Variants in SMAD4 observed in about 807,000 individuals in gnomAD.
The protein encoded by SMAD4 is SMAD family member 4.
SMAD4 carries 7 observed loss-of-function variants against 63.2 expected under a neutral mutation model. That is an observed-to-expected ratio of 0.11 (90% CI 0.06 to 0.21). The LOEUF is 0.21. Ranked by LOEUF, SMAD4 falls within the 10% of genes least tolerant of loss-of-function variation. The pLI, the probability that SMAD4 is intolerant of heterozygous loss-of-function variation, is 1.00. For synonymous variants in SMAD4, 215 were observed against 235.4 expected (o/e 0.91, Z 0.79); for missense variants, 312 against 693.8 (o/e 0.45, Z 6.18).
At chr18:51,074,495 C>A (rs77525306) in intron 10 of SMAD4, among the ~76,000 whole-genome samples, 7 of 152,098 alleles carry the variant, frequency 4.6e-5, no homozygotes, top group South Asian at 2.1e-4. Context: ...TGAACCCTTA[C>A]GTAAACTGGG....
At position 51,078,807 on chromosome 18, in the gene SMAD4, G is replaced by A; in HGVS notation, c.*340G>A. The A allele has an allele frequency of 3.2e-6, 1 of 308,268 alleles. No homozygotes were observed. Among genetic ancestry groups the A allele is most frequent in the Non-Finnish European group, 6.1e-6 (1 of 163,662 alleles). 19.1% of individuals were successfully genotyped at this position (308,268 alleles called of 1,614,324 possible). A position where few individuals can be genotyped will look rare whatever the true frequency, so the allele number is the denominator to read the frequency against. On this transcript the variant is annotated 3_prime_UTR_variant, in exon 12 of 12. Coordinates refer to ENST00000342988, the MANE Select transcript of SMAD4 (RefSeq NM_005359.6). The stretch of plus-strand genomic sequence containing the variant: ...CCTTTTATCTGCAGAACATCGATAT[G>A]TATATCATTCTACAGAATAATCCAG...
chr18:51,049,116 A>T (rs987851417), intron 3 of SMAD4, among the ~76,000 whole-genome samples, 179 bp from the exon 4 acceptor site: 2 of 152,250 alleles, frequency 1.3e-5, no homozygotes, highest in African/African-American at 4.8e-5. Flanking sequence ...GATGGAAAGC[A>T]TTATAAATTT....
At chr18:51,059,983 A>C in intron 8 of SMAD4, 67 bp downstream of exon 8, 1 of 1,187,206 alleles carries the variant, frequency 8.4e-7, no homozygotes. Flanking sequence ...ACGCACAAAC[A>C]CAGGCTTTAA....
intron 2 of SMAD4, 45 bp downstream of exon 2, chr18:51,047,340 T>A (rs745318664): frequency 8.8e-6 from 14 of 1,586,722 alleles, no homozygotes; most frequent in Non-Finnish European, 1.2e-5. Flanking sequence ...GGTGGCAGAT[T>A]TAAAAACTTG....
chr18:51,035,559 T>G (rs964264269), intron 1 of SMAD4, among the ~76,000 whole-genome samples: 2 of 152,196 alleles, frequency 1.3e-5, no homozygotes, highest in African/African-American at 4.8e-5. Flanking sequence ...GCAAATTGTC[T>G]TCTTAGGGCG....
intron 10 of SMAD4, among the ~76,000 whole-genome samples, chr18:51,072,424 G>A (rs12326897): frequency 6.6e-6 from 1 of 152,122 alleles, no homozygotes; most frequent in Non-Finnish European, 1.5e-5. Flanking sequence ...TGGTGGACTA[G>A]GTCAGAGGGT....
rs945724210 is a variant in SMAD4, at chr18:51,081,611, T to G, written c.*3144T>G. 2 of 232,702 alleles carry G rather than the reference T, an allele frequency of 8.6e-6. No individual in the cohort carries two copies. The highest frequency in any genetic ancestry group is 1.7e-5 in the Non-Finnish European group (2 of 117,792). The allele number at this position is 232,702 out of a possible 1,614,324, so 14.4% of individuals were successfully genotyped here. ...TAAGGAGAGCCATACTTGAGACATG[T>G]GAGTAAACTGAACTCATATTAGCTG... is the stretch of plus-strand genomic sequence containing the variant. On this transcript the variant is annotated 3_prime_UTR_variant, in exon 12 of 12. Coordinates refer to ENST00000342988, the MANE Select transcript of SMAD4 (RefSeq NM_005359.6).
At position 51,081,044 on chromosome 18, in the gene SMAD4, A is replaced by C. The variant is rs1267951835; in HGVS notation, c.*2577A>C. 4.7e-6 allele frequency: 1 copy of C among 211,886 alleles called. No homozygotes were observed. Among genetic ancestry groups the C allele is most frequent in the East Asian group, 7.1e-5 (1 of 14,090 alleles). 13.1% of individuals were successfully genotyped at this position (211,886 alleles called of 1,614,324 possible). A position where few individuals can be genotyped will look rare whatever the true frequency, so the allele number is the denominator to read the frequency against. On this transcript the variant is annotated 3_prime_UTR_variant, in exon 12 of 12. Transcript: ENST00000342988. ...CTAGATTTAGTCACACGCTTTTGAGAAAACATCTAGTATGTTATGATCAGC... is the reference window on the plus strand; with the variant it reads ...CTAGATTTAGTCACACGCTTTTGAGCAAACATCTAGTATGTTATGATCAGC...
chr18:51,031,649 C>T (rs549099166), intron 1 of SMAD4, among the ~76,000 whole-genome samples: 1 of 152,044 alleles, frequency 6.6e-6, no homozygotes, highest in African/African-American at 2.4e-5. Flanking sequence ...CCAGAATTAG[C>T]ATCCTTCTAG....
At position 51,084,204 on chromosome 18, in the gene SMAD4, T is replaced by C. The variant is rs1277763473; in HGVS notation, c.*5737T>C. Reference sequence around the variant, plus strand: ...TGTGACACCACCCTCCTAAGTGGTGTGTGCTTGTAATTTTTTTTTTCAGTG... The same window carrying C: ...TGTGACACCACCCTCCTAAGTGGTGCGTGCTTGTAATTTTTTTTTTCAGTG... On this transcript the variant is annotated 3_prime_UTR_variant, in exon 12 of 12. Coordinates refer to ENST00000342988, the MANE Select transcript of SMAD4 (RefSeq NM_005359.6). 4.3e-6 allele frequency: 1 copy of C among 230,364 alleles called. No individual in the cohort carries two copies. Among genetic ancestry groups the C allele is most frequent in the African/African-American group, 2.2e-5 (1 of 45,122 alleles). The allele number at this position is 230,364 out of a possible 1,614,324, so 14.3% of individuals were successfully genotyped here. A position where few individuals can be genotyped will look rare whatever the true frequency, so the allele number is the denominator to read the frequency against.
At chr18:51,071,582 C>T (rs1348642778) in intron 10 of SMAD4, among the ~76,000 whole-genome samples, 1 of 152,152 alleles carries the variant, frequency 6.6e-6, no homozygotes, top group African/African-American at 2.4e-5. Context: ...TTATTTAGCA[C>T]TGGGCGTTTC....
In SMAD4 at chr18:51,066,949, T is replaced by A. The variant is rs556014674; in HGVS notation, c.1140-70T>A. ...TAATTTTTCAATATTAAGCATGCTATACAATCTGAACTAAAATTTAATTTA... is the reference window on the plus strand; with the variant it reads ...TAATTTTTCAATATTAAGCATGCTAAACAATCTGAACTAAAATTTAATTTA... On this transcript the variant is annotated intron_variant, in intron 9 of 11. Transcript: ENST00000342988. 7.6e-5 allele frequency: 92 copies of A among 1,215,768 alleles called. No homozygotes were observed. The African/African-American group carries it at 1.2e-3, about 16-fold the overall frequency. The allele number at this position is 1,215,768 out of a possible 1,614,324, so 75.3% of individuals were successfully genotyped here. A position where few individuals can be genotyped will look rare whatever the true frequency, so the allele number is the denominator to read the frequency against.
At position 51,078,988 on chromosome 18, in the gene SMAD4, G is replaced by A. The variant is rs999964540; in HGVS notation, c.*521G>A. 4.3e-6 allele frequency: 1 copy of A among 234,340 alleles called. No individual in the cohort carries two copies. The highest frequency in any genetic ancestry group is 2.2e-5 in the African/African-American group (1 of 45,350). The allele number at this position is 234,340 out of a possible 1,614,324, so 14.5% of individuals were successfully genotyped here. A position where few individuals can be genotyped will look rare whatever the true frequency, so the allele number is the denominator to read the frequency against. ...ACTTTACTCTGTGTTTAAAAAGTAA[G>A]TTAATAATGTATTGTAATCTTTCAT... On this transcript the variant is annotated 3_prime_UTR_variant, in exon 12 of 12. Transcript: ENST00000342988.
chr18:51,062,325 C>G (rs1319052693), intron 8 of SMAD4, among the ~76,000 whole-genome samples: 1 of 151,970 alleles, frequency 6.6e-6, no homozygotes, highest in Non-Finnish European at 1.5e-5. Flanking sequence ...TCACTAAAAC[C>G]AATACTCATG....
chr18:51,048,990 C>G (rs1350450380), intron 3 of SMAD4, 130 bp downstream of exon 3: 1 of 794,574 alleles, frequency 1.3e-6, no homozygotes. Context: ...AAGAATCAGA[C>G]ATTTTTAATA....
At position 51,057,522 on chromosome 18, in the gene SMAD4, A is replaced by G. The variant is rs187412021; in HGVS notation, c.668-603A>G. Among the ~76,000 whole-genome samples, 14 of 152,350 alleles carry G rather than the reference A, an allele frequency of 9.2e-5. No individual in the cohort carries two copies. In the East Asian group the frequency reaches 2.3e-3, roughly 25 times the overall value. ...ATAAAAGCTCTTGAAAAAATTTGAA[A>G]GTAGACTGATAGTTTTTTTGTTTGT... is the stretch of plus-strand genomic sequence containing the variant. On this transcript the variant is annotated intron_variant, in intron 5 of 11. Transcript: ENST00000342988.
At chr18:51,063,091 A>T (rs538756968) in intron 8 of SMAD4, among the ~76,000 whole-genome samples, 1 of 151,598 alleles carries the variant, frequency 6.6e-6, no homozygotes, top group Admixed American at 6.6e-5. Context: ...TGACCTCTTG[A>T]TCTGCCCGCC....
At chr18:51,062,469 C>CT (rs943088719) in intron 8 of SMAD4, among the ~76,000 whole-genome samples, 11 of 150,780 alleles carry the variant, frequency 7.3e-5, no homozygotes, top group Non-Finnish European at 1.3e-4. Context: ...ATGGATATCA[C>CT]TTTTTTTTTG....
intron 1 of SMAD4, among the ~76,000 whole-genome samples, chr18:51,031,946 G>T (rs773352637): frequency 6.6e-6 from 1 of 151,914 alleles, no homozygotes; most frequent in Non-Finnish European, 1.5e-5. Flanking sequence ...GATATGATTA[G>T]TACATAATAT....
Sources: gnomAD v4.1 joint callset for allele counts (sites outside exome capture counted in the v4.1 genomes callset) on GRCh38, gnomAD v4.1.1 for gene constraint, MANE v1.5 for transcripts, NCBI Gene and HGNC (gene_info 2026-07-23, HGNC 2026-07-21) for gene names.